Variants in VWC2 observed in about 807,000 individuals in gnomAD.
VWC2 encodes the protein von Willebrand factor C domain containing 2.
Under a neutral mutation model 29.8 loss-of-function variants are expected in VWC2, and 14 were observed. The ratio of observed to expected loss-of-function variants is 0.47; its 90% CI spans 0.31 to 0.74. VWC2 has a LOEUF of 0.74. Ranked by LOEUF, VWC2 falls within the 30% of genes least tolerant of loss-of-function variation. The probability of loss-of-function intolerance (pLI) is 0.05; values close to 1 mark genes in which losing one functional copy is unlikely to be tolerated. For missense variants in VWC2, 457 were observed against 459.8 expected (o/e 0.99, Z 0.05); for synonymous variants, 213 against 199.0 (o/e 1.07, Z -0.59).
chr7:49,877,481 A>AAAAAAAAATATAC lies in VWC2; in HGVS notation c.827-34552_827-34551insAAAAAAATATACA. On this transcript the variant is annotated intron_variant, in intron 3 of 3. Transcript: ENST00000340652. ...CTGTCTCAAAAAAAAAAAAAAAAAA[A>AAAAAAAAATATAC]ATATATATATATATATATATATATA... 4.7e-3 allele frequency among the ~76,000 whole-genome samples: 60 copies of AAAAAAAAATATAC among 12,736 alleles called. 13 individuals are homozygous for AAAAAAAAATATAC. Among genetic ancestry groups the AAAAAAAAATATAC allele is most frequent in the Non-Finnish European group, 5.8e-3 (40 of 6,952 alleles). 8.4% of individuals were successfully genotyped at this position (12,736 alleles called of 152,430 possible). A position where few individuals can be genotyped will look rare whatever the true frequency, so the allele number is the denominator to read the frequency against.
chr7:49,825,434 C>A (rs1011491165), intron 3 of VWC2, among the ~76,000 whole-genome samples: 1 of 152,100 alleles, frequency 6.6e-6, no homozygotes, highest in African/African-American at 2.4e-5. Context: ...GTTGTTGTTT[C>A]TTCTGAGGAT....
intron 3 of VWC2, among the ~76,000 whole-genome samples, chr7:49,908,767 T>C (rs896689886): frequency 7.9e-5 from 12 of 152,274 alleles, no homozygotes; most frequent in Admixed American, 3.3e-4. Flanking sequence ...CTTTTAGTGA[T>C]TAAAGGAGTG....
intron 3 of VWC2, among the ~76,000 whole-genome samples, chr7:49,815,573 C>G (rs1212732032): frequency 6.6e-6 from 1 of 152,168 alleles, no homozygotes. Flanking sequence ...GGTAATTTTT[C>G]CACAATGTAT....
At chr7:49,907,909 T>C (rs1276154111) in intron 3 of VWC2, among the ~76,000 whole-genome samples, 1 of 152,152 alleles carries the variant, frequency 6.6e-6, no homozygotes, top group Non-Finnish European at 1.5e-5. Flanking sequence ...AGTAGCACGC[T>C]TCAGAGCTCT....
intron 2 of VWC2, among the ~76,000 whole-genome samples, chr7:49,778,275 G>A (rs1378444890): frequency 1.3e-5 from 2 of 152,066 alleles, no homozygotes; most frequent in Admixed American, 1.3e-4. Context: ...TGACAAAAGG[G>A]AAATTGGAAA....
At position 49,912,762 on chromosome 7, in the gene VWC2, CT is replaced by C. The variant is rs1793525489; in HGVS notation, c.*581del. 6.6e-6 allele frequency: 1 copy of C among 152,382 alleles called. No homozygotes were observed. The highest frequency in any genetic ancestry group is 2.4e-5 in the African/African-American group (1 of 41,420). The allele number at this position is 152,382 out of a possible 1,614,324, so 9.4% of individuals were successfully genotyped here. On this transcript the variant is annotated 3_prime_UTR_variant, in exon 4 of 4. Coordinates refer to ENST00000340652, the MANE Select transcript of VWC2 (RefSeq NM_198570.5). ...ATTTCCTTTTTATAATAATATATGGCTTTTATCTGCTTCATTCTCAGTCACT... is the reference window on the plus strand; with the variant it reads ...ATTTCCTTTTTATAATAATATATGGCTTTATCTGCTTCATTCTCAGTCACT...
intron 3 of VWC2, among the ~76,000 whole-genome samples, chr7:49,872,915 C>CAAAAA (rs61473396): frequency 0.27 from 9,173 of 33,658 alleles, 2,123 homozygotes; most frequent in Non-Finnish European, 0.33. Context: ...GACTTTGTCT[C>CAAAAA]AAAAAAAAAA....
intron 3 of VWC2, among the ~76,000 whole-genome samples, chr7:49,848,358 C>A (rs538595370): frequency 6.6e-6 from 1 of 152,332 alleles, no homozygotes; most frequent in South Asian, 2.1e-4. Flanking sequence ...GTCCTGCTCC[C>A]CACTGACAAG....
At chr7:49,907,715 G>A (rs6583397) in intron 3 of VWC2, among the ~76,000 whole-genome samples, 112,038 of 152,070 alleles carry the variant, frequency 0.74, 41,481 homozygotes, top group East Asian at 0.89. Context: ...TGAAAGGTGG[G>A]ACAACTAAAA....
chr7:49,910,975 C>G (rs1168695775), intron 3 of VWC2, among the ~76,000 whole-genome samples: 1 of 152,172 alleles, frequency 6.6e-6, no homozygotes, highest in African/African-American at 2.4e-5. Context: ...AAAAGCTGCC[C>G]TCGGAGGCCT....
chr7:49,786,391 G>A (rs1310668728), intron 2 of VWC2, among the ~76,000 whole-genome samples: 3 of 152,166 alleles, frequency 2.0e-5, no homozygotes, highest in Non-Finnish European at 4.4e-5. Flanking sequence ...CCGTTGATGG[G>A]CACCTAGGTT....
chr7:49,877,187 C>A (rs536866533), intron 3 of VWC2, among the ~76,000 whole-genome samples: 1 of 151,686 alleles, frequency 6.6e-6, no homozygotes, highest in Non-Finnish European at 1.5e-5. Context: ...TGGGGCCGGG[C>A]GTAATGGCTC....
intron 3 of VWC2, among the ~76,000 whole-genome samples, chr7:49,874,880 T>C (rs1404049220): frequency 1.3e-5 from 2 of 152,174 alleles, no homozygotes; most frequent in Non-Finnish European, 2.9e-5. Flanking sequence ...AGAACCTGCC[T>C]GTTGGTTCTT....
At chr7:49,775,236 G>C (rs911354428) in intron 1 of VWC2, 97 bp from the exon 2 acceptor site, 16 of 287,300 alleles carry the variant, frequency 5.6e-5, no homozygotes, top group Non-Finnish European at 1.0e-4. Context: ...CGCCCAGCTC[G>C]TTAATCTAGA....
chr7:49,774,700 G>A (rs1370780606), intron 1 of VWC2, among the ~76,000 whole-genome samples: 1 of 152,210 alleles, frequency 6.6e-6, no homozygotes, highest in Non-Finnish European at 1.5e-5. Flanking sequence ...CCGGCCCTCT[G>A]GCAAGGGGCC....
chr7:49,850,415 C>T (rs1467854106), intron 3 of VWC2: 1 of 152,262 alleles, frequency 6.6e-6, no homozygotes, highest in Non-Finnish European at 1.5e-5. Flanking sequence ...AAGAGGCCTC[C>T]TGTCTTCCTG....
At chr7:49,786,640 A>C (rs918315603) in intron 2 of VWC2, among the ~76,000 whole-genome samples, 7 of 152,148 alleles carry the variant, frequency 4.6e-5, no homozygotes, top group African/African-American at 1.7e-4. Context: ...CCTCACAAGC[A>C]TCTGTTATTT....
At chr7:49,776,919 A>G (rs1214014438) in intron 2 of VWC2, among the ~76,000 whole-genome samples, 1 of 152,260 alleles carries the variant, frequency 6.6e-6, no homozygotes, top group Non-Finnish European at 1.5e-5. Context: ...ATTAAGAAAC[A>G]GATTCATATG....
intron 3 of VWC2, among the ~76,000 whole-genome samples, chr7:49,835,071 GA>G (rs1789626611): frequency 2.0e-5 from 3 of 152,220 alleles, no homozygotes; most frequent in Admixed American, 2.0e-4. Context: ...GGCAAATGGG[GA>G]CAAAGAGTGC....
Sources: gnomAD v4.1 joint callset for allele counts (sites outside exome capture counted in the v4.1 genomes callset) on GRCh38, gnomAD v4.1.1 for gene constraint, MANE v1.5 for transcripts, NCBI Gene and HGNC (gene_info 2026-07-23, HGNC 2026-07-21) for gene names.